CAMKMT: variants seen among roughly 807,000 people sequenced by gnomAD.
CAMKMT encodes the protein CaM KMT.
In CAMKMT, 53 loss-of-function variants were observed where a neutral mutation model predicts 48.0. The ratio of observed to expected loss-of-function variants is 1.10; its 90% CI spans 0.89 to 1.39. CAMKMT has a LOEUF of 1.39. Ranked by LOEUF, CAMKMT falls within the 40% of genes most tolerant of loss-of-function variation. CAMKMT has a pLI of 0.00. For synonymous variants in CAMKMT, 165 were observed against 152.3 expected, an observed-to-expected ratio of 1.08 and a Z score of -0.61; for missense variants, 428 against 402.7, an observed-to-expected ratio of 1.06 and a Z score of -0.54.
chr2:44,374,266 A>G (rs1679464917), intron 2 of CAMKMT, among the ~76,000 whole-genome samples: 1 of 152,124 alleles, frequency 6.6e-6, no homozygotes, highest in African/African-American at 2.4e-5. Flanking sequence ...GGAGATAATC[A>G]GTTTTGTCCT....
At chr2:44,486,504 C>G (rs1157378130) in intron 3 of CAMKMT, among the ~76,000 whole-genome samples, 1 of 152,094 alleles carries the variant, frequency 6.6e-6, no homozygotes, top group Non-Finnish European at 1.5e-5. Flanking sequence ...AGGTGGTTCA[C>G]GAGATAAATA....
In CAMKMT at chr2:44,384,838, C is replaced by G. The variant is rs190143332; in HGVS notation, c.312-5403C>G. On this transcript the variant is annotated intron_variant, in intron 2 of 10. Coordinates refer to ENST00000378494, the MANE Select transcript of CAMKMT (RefSeq NM_024766.5). ...TTTCTCTATTCTGTTCCAGTGGTCT[C>G]TGTGCTTATTTTTATATCAGTACCA... Among the ~76,000 whole-genome samples, 11 of 152,096 alleles carry G rather than the reference C, an allele frequency of 7.2e-5. 1 individual carries two copies. Among genetic ancestry groups the G allele is most frequent in the Admixed American group, 6.5e-4 (10 of 15,272 alleles).
At chr2:44,602,740 A>G (rs1671069562) in intron 3 of CAMKMT, among the ~76,000 whole-genome samples, 1 of 151,944 alleles carries the variant, frequency 6.6e-6, no homozygotes, top group South Asian at 2.1e-4. Flanking sequence ...ATCAGATCTC[A>G]TGAGAACTCC....
At chr2:44,668,695 T>A (rs1017768745) in intron 3 of CAMKMT, among the ~76,000 whole-genome samples, 1 of 152,222 alleles carries the variant, frequency 6.6e-6, no homozygotes, top group African/African-American at 2.4e-5. Context: ...ACTTTGTGCA[T>A]CCTTTCCCAA....
chr2:44,547,530 C>G (rs1288130820), intron 3 of CAMKMT, among the ~76,000 whole-genome samples: 1 of 151,932 alleles, frequency 6.6e-6, no homozygotes, highest in Non-Finnish European at 1.5e-5. Context: ...GACCTCATCT[C>G]TAAAAAACAA....
chr2:44,644,654 A>T (rs559762754), intron 3 of CAMKMT, among the ~76,000 whole-genome samples: 55 of 152,274 alleles, frequency 3.6e-4, no homozygotes, highest in Non-Finnish European at 7.2e-4. Flanking sequence ...GTTTCTTTTC[A>T]TTTCTTTGCA....
intron 3 of CAMKMT, among the ~76,000 whole-genome samples, chr2:44,525,529 C>G (rs186865085): frequency 6.6e-6 from 1 of 152,342 alleles, no homozygotes; most frequent in Admixed American, 6.5e-5. Context: ...GCTGGGATTA[C>G]AGGCGTGAGC....
At position 44,657,926 on chromosome 2, in the gene CAMKMT, A is replaced by G. The variant is rs75781853; in HGVS notation, c.377-46357A>G. On this transcript the variant is annotated intron_variant, in intron 3 of 10. Transcript: ENST00000378494. The surrounding 1 kb of genome is among the most constrained non-coding windows in gnomAD (Gnocchi z 4.3). ...TCATATAAATGTCTCATTTTCCTCC[A>G]TACTCTGTTTTTATATAAAATAATG... is the stretch of plus-strand genomic sequence containing the variant. 0.013 allele frequency among the ~76,000 whole-genome samples: 1,978 copies of G among 152,290 alleles called. 46 individuals carry two copies. Among genetic ancestry groups the G allele is most frequent in the African/African-American group, 0.045 (1,886 of 41,534 alleles).
chr2:44,705,438 C>T, intron 4 of CAMKMT: 1 of 985,398 alleles, frequency 1.0e-6, no homozygotes, highest in Non-Finnish European at 1.2e-6. Context: ...ATTTGTTCAT[C>T]TCGCTGTGCT....
chr2:44,506,944 A>G (rs1670290635), intron 3 of CAMKMT, among the ~76,000 whole-genome samples: 1 of 152,234 alleles, frequency 6.6e-6, no homozygotes, highest in Admixed American at 6.5e-5. Context: ...ACGGAATGGC[A>G]AACATACTCT....
Position 44,727,047 on chromosome 2 carries a change from G to A in CAMKMT, c.623+11694G>A, listed in dbSNP as rs148168055. On this transcript the variant is annotated intron_variant, in intron 7 of 10. Transcript: ENST00000378494. ...TTTATAGTATAGCTTGAAGTCAGTA[G>A]TGTGGTGCCTCTGGCTTTGTTCTTT... Among the ~76,000 whole-genome samples the A allele has an allele frequency of 3.0e-3, 463 of 152,300 alleles. 14 individuals are homozygous for A. Among genetic ancestry groups the A allele is most frequent in the Non-Finnish European group, 8.1e-4 (55 of 68,014 alleles).
chr2:44,718,104 T>C (rs113221491), intron 7 of CAMKMT, among the ~76,000 whole-genome samples: 2 of 152,288 alleles, frequency 1.3e-5, no homozygotes, highest in African/African-American at 4.8e-5. Flanking sequence ...TACTAGGGCT[T>C]GTCCAAGGGC....
intron 3 of CAMKMT, among the ~76,000 whole-genome samples, chr2:44,440,702 C>T (rs1248934283): frequency 6.6e-6 from 1 of 152,136 alleles, no homozygotes; most frequent in African/African-American, 2.4e-5. Context: ...GTATTTCTAT[C>T]AGAAAGATGT....
At chr2:44,596,463 GAAAA>G (rs1228411307) in intron 3 of CAMKMT, among the ~76,000 whole-genome samples, 1 of 150,924 alleles carries the variant, frequency 6.6e-6, no homozygotes, top group Non-Finnish European at 1.5e-5. Context: ...AAAGAAAAAA[GAAAA>G]AAAAGAAAAG....
chr2:44,661,990 C>T (rs930368633), intron 3 of CAMKMT, among the ~76,000 whole-genome samples: 2 of 152,150 alleles, frequency 1.3e-5, no homozygotes, highest in African/African-American at 4.8e-5. Context: ...AAATAGCTTG[C>T]CCATATGAGT....
intron 3 of CAMKMT, among the ~76,000 whole-genome samples, chr2:44,445,672 T>A (rs555701170): frequency 9.5e-6 from 1 of 105,578 alleles, no homozygotes; most frequent in African/African-American, 3.3e-5. Context: ...TTTTTTTTTT[T>A]TTTTTTTTTT....
chr2:44,394,906 C>T (rs898295417), intron 3 of CAMKMT: 2 of 454,436 alleles, frequency 4.4e-6, no homozygotes, highest in Non-Finnish European at 8.8e-6. Flanking sequence ...TTCCTGTAGT[C>T]CCAGCTACTC....
intron 8 of CAMKMT, among the ~76,000 whole-genome samples, chr2:44,751,401 T>C (rs1180315510): frequency 6.6e-6 from 1 of 152,182 alleles, no homozygotes; most frequent in African/African-American, 2.4e-5. Flanking sequence ...TTAGTAGCTG[T>C]GTGACTCCAA....
intron 3 of CAMKMT, among the ~76,000 whole-genome samples, chr2:44,474,446 CA>C (rs1222971931): frequency 2.5e-3 from 147 of 58,024 alleles, no homozygotes; most frequent in African/African-American, 3.7e-3. Context: ...GACTCCGTCT[CA>C]AAAAAAAAAA....
Sources: gnomAD v4.1 joint callset for allele counts (sites outside exome capture counted in the v4.1 genomes callset) on GRCh38, gnomAD v4.1.1 for gene constraint, Gnocchi (gnomAD v3.1) non-coding constraint, MANE v1.5 for transcripts, NCBI Gene and HGNC (gene_info 2026-07-23, HGNC 2026-07-21) for gene names.